RIMS2: variants seen among roughly 807,000 people sequenced by gnomAD.
The protein encoded by RIMS2 is regulating synaptic membrane exocytosis 2.
A neutral mutation model predicts 174.4 loss-of-function variants in RIMS2; 59 were observed. The ratio of observed to expected loss-of-function variants is 0.34; its 90% CI spans 0.27 to 0.42. The LOEUF is 0.42. Ranked by LOEUF, RIMS2 falls within the 10% of genes least tolerant of loss-of-function variation. The pLI is 1.00. For synonymous variants in RIMS2, 606 were observed against 572.5 expected, an observed-to-expected ratio of 1.06 and a Z score of -0.84; for missense variants, 1,620 against 1,666.3, an observed-to-expected ratio of 0.97 and a Z score of 0.48.
chr8:103,612,568 T>C (rs1446703884), intron 1 of RIMS2, among the ~76,000 whole-genome samples: 2 of 151,618 alleles, frequency 1.3e-5, no homozygotes, highest in Non-Finnish European at 3.0e-5. Flanking sequence ...AGACAGAGAC[T>C]CTTGTTCCTT....
chr8:103,912,959 C>CTTTT (rs763813911), intron 6 of RIMS2, among the ~76,000 whole-genome samples: 2 of 135,698 alleles, frequency 1.5e-5, no homozygotes, highest in Non-Finnish European at 3.2e-5. Flanking sequence ...CTCTAGCAAA[C>CTTTT]TTTTTTTGTT....
rs568261737 is a variant in RIMS2 at position 103,745,360 on chromosome 8, T to C, written c.388-20867T>C. Among the ~76,000 whole-genome samples the C allele has an allele frequency of 2.6e-5, 4 of 152,350 alleles. No homozygotes were observed. In the East Asian group the frequency reaches 7.7e-4, roughly 29 times the overall value. ...TGTATGGTTATACCACATTTTTTTT[T>C]CATTCATCAATCGAAAGACACTTTT... On this transcript the variant is annotated intron_variant, in intron 2 of 23. Coordinates refer to ENST00000504942, the Ensembl canonical transcript of RIMS2.
At chr8:103,652,156 A>T (rs759149416) in intron 1 of RIMS2, 49 bp from the exon 2 acceptor site, 1 of 1,100,578 alleles carries the variant, frequency 9.1e-7, no homozygotes, top group Non-Finnish European at 1.2e-6. Context: ...TGTAAATAGA[A>T]ATCTCTTCAT....
chr8:103,522,478 A>T (rs1185497065), intron 1 of RIMS2, among the ~76,000 whole-genome samples: 1 of 152,152 alleles, frequency 6.6e-6, no homozygotes, highest in Non-Finnish European at 1.5e-5. Context: ...TACTAGTGGC[A>T]GTGCAGTTTC....
chr8:104,025,794 A>C (rs1456796502), intron 19 of RIMS2, among the ~76,000 whole-genome samples: 1 of 91,324 alleles, frequency 1.1e-5, no homozygotes, highest in Non-Finnish European at 2.4e-5. Context: ...CAATAGTCTC[A>C]TAATATTATC....
chr8:103,745,862 G>T (rs536403294), intron 2 of RIMS2, among the ~76,000 whole-genome samples: 1 of 152,102 alleles, frequency 6.6e-6, no homozygotes, highest in African/African-American at 2.4e-5. Context: ...ACCCTTATCA[G>T]ATGTATAATT....
intron 19 of RIMS2, among the ~76,000 whole-genome samples, chr8:104,217,330 A>G (rs1367888350): frequency 6.6e-6 from 1 of 151,866 alleles, no homozygotes; most frequent in Non-Finnish European, 1.5e-5. Context: ...GTGCAGTGGC[A>G]TGAACATGGC....
At chr8:104,132,434 C>T (rs1365150144) in intron 19 of RIMS2, among the ~76,000 whole-genome samples, 1 of 152,140 alleles carries the variant, frequency 6.6e-6, no homozygotes, top group Non-Finnish European at 1.5e-5. Flanking sequence ...ACTCCAGTCT[C>T]ATGAGCCTAG....
At chr8:103,878,113 T>C (rs952454029) in intron 3 of RIMS2, among the ~76,000 whole-genome samples, 3 of 151,780 alleles carry the variant, frequency 2.0e-5, no homozygotes, top group Non-Finnish European at 2.9e-5. Context: ...CTGATGGTTT[T>C]ATAAATGGTA....
intron 2 of RIMS2, among the ~76,000 whole-genome samples, chr8:103,718,110 TAAG>T (rs766024180): frequency 1.1e-4 from 16 of 152,262 alleles, no homozygotes; most frequent in Non-Finnish European, 5.9e-5. Flanking sequence ...ATACAGACTC[TAAG>T]AAGAGTATAC....
chr8:103,626,850 G>A (rs2134995648), intron 1 of RIMS2, among the ~76,000 whole-genome samples: 1 of 152,268 alleles, frequency 6.6e-6, no homozygotes, highest in South Asian at 2.1e-4. Context: ...CAAACAGGAA[G>A]TAGGTCACAA....
At chr8:104,119,754 G>A (rs1281156890) in intron 19 of RIMS2, among the ~76,000 whole-genome samples, 1 of 152,102 alleles carries the variant, frequency 6.6e-6, no homozygotes, top group Admixed American at 6.5e-5. Context: ...CTCCGTGAGG[G>A]CCAATTTACT....
chr8:104,218,229 A>G (rs1264217468), intron 19 of RIMS2, among the ~76,000 whole-genome samples: 1 of 152,226 alleles, frequency 6.6e-6, no homozygotes, highest in Non-Finnish European at 1.5e-5. Flanking sequence ...AAACACTTAA[A>G]TAGTGATGGA....
At chr8:104,180,824 G>C (rs1026651042) in intron 19 of RIMS2, among the ~76,000 whole-genome samples, 39 of 151,744 alleles carry the variant, frequency 2.6e-4, no homozygotes, top group African/African-American at 8.9e-4. Context: ...AAGTAACTAG[G>C]ACAAGGGCAA....
At chr8:103,772,069 T>A (rs180892847) in intron 3 of RIMS2, among the ~76,000 whole-genome samples, 67 of 152,158 alleles carry the variant, frequency 4.4e-4, no homozygotes, top group Non-Finnish European at 7.2e-4. Context: ...TCCAAATATC[T>A]CTGTGACATT....
intron 19 of RIMS2, among the ~76,000 whole-genome samples, chr8:104,024,456 C>A (rs1034963852): frequency 2.0e-5 from 3 of 152,194 alleles, no homozygotes; most frequent in Non-Finnish European, 4.4e-5. Flanking sequence ...CTGTTAATCT[C>A]ATGTGTTGAT....
Position 103,995,980 on chromosome 8 carries a change from G to A in RIMS2, c.3044+6559G>A, listed in dbSNP as rs149470327. Among the ~76,000 whole-genome samples, 534 of 151,988 alleles carry A rather than the reference G, an allele frequency of 3.5e-3. 2 individuals carry two copies. The highest frequency in any genetic ancestry group is 0.012 in the African/African-American group (492 of 41,506). On this transcript the variant is annotated intron_variant, in intron 17 of 23. Transcript: ENST00000504942. ...TTAAATTTTGAGACTGTAAAACTTG[G>A]TTTATTAAATAAATATTTTAATCCT...
At chr8:103,514,445 A>G (rs955770941) in intron 1 of RIMS2, among the ~76,000 whole-genome samples, 1 of 152,230 alleles carries the variant, frequency 6.6e-6, no homozygotes. Context: ...GATTGGGGGC[A>G]TCTACATGAA....
intron 19 of RIMS2, among the ~76,000 whole-genome samples, chr8:104,237,895 T>G (rs1211678956): frequency 6.6e-6 from 1 of 152,116 alleles, no homozygotes; most frequent in East Asian, 1.9e-4. Flanking sequence ...GTCAGAGTAA[T>G]CCATGACAGT....
Sources: gnomAD v4.1 joint callset for allele counts (sites outside exome capture counted in the v4.1 genomes callset) on GRCh38, gnomAD v4.1.1 for gene constraint, MANE v1.5 for transcripts, NCBI Gene and HGNC (gene_info 2026-07-23, HGNC 2026-07-21) for gene names.